Variants in TBK1 observed in about 807,000 individuals in gnomAD.
The protein encoded by TBK1 is serine/threonine-protein kinase TBK1.
TBK1 carries 37 observed loss-of-function variants against 99.9 expected under a neutral mutation model. The ratio of observed to expected loss-of-function variants is 0.37; its 90% confidence interval spans 0.28 to 0.49. The LOEUF (loss-of-function observed/expected upper bound fraction) is 0.49, where lower values mean the gene tolerates loss of function less well. TBK1 is among the 20% of genes least tolerant of loss of function. The probability of loss-of-function intolerance (pLI) is 0.98; values close to 1 mark genes in which losing one functional copy is unlikely to be tolerated. For synonymous variants in TBK1, 258 were observed against 279.8 expected (o/e 0.92, Z 0.78); for missense variants, 644 against 872.5 (o/e 0.74, Z 3.30).
intron 4 of TBK1, among the ~76,000 whole-genome samples, chr12:64,465,214 C>T (rs1403781280): frequency 8.0e-6 from 1 of 124,322 alleles, no homozygotes; most frequent in East Asian, 2.5e-4. Context: ...CACTGCACTT[C>T]AGCCTGGGCA....
chr12:64,466,139 A>C (rs2040601293), intron 4 of TBK1, among the ~76,000 whole-genome samples: 1 of 152,180 alleles, frequency 6.6e-6, no homozygotes, highest in Non-Finnish European at 1.5e-5. Context: ...TGTTTAATCA[A>C]ATAGAAATTA....
intron 6 of TBK1, among the ~76,000 whole-genome samples, chr12:64,475,186 C>T (rs577699056): frequency 6.6e-6 from 1 of 152,020 alleles, no homozygotes; most frequent in African/African-American, 2.4e-5. Flanking sequence ...CTTTTTTTTC[C>T]AGTGTTGCAG....
chr12:64,491,473 A>T (rs1277885363), intron 13 of TBK1, among the ~76,000 whole-genome samples: 1 of 152,000 alleles, frequency 6.6e-6, no homozygotes, highest in Non-Finnish European at 1.5e-5. Flanking sequence ...ATACAAAAAA[A>T]TTAGCCAGGC....
At chr12:64,478,158 G>A (rs2040734235) in intron 6 of TBK1, among the ~76,000 whole-genome samples, 1 of 151,950 alleles carries the variant, frequency 6.6e-6, no homozygotes, top group South Asian at 2.1e-4. Flanking sequence ...TGTTTTGTTT[G>A]TTTTGTTTTT....
chr12:64,469,622 G>A (rs2040641568), intron 5 of TBK1, among the ~76,000 whole-genome samples: 1 of 152,146 alleles, frequency 6.6e-6, no homozygotes, highest in Admixed American at 6.5e-5. Context: ...CATTCCCCTT[G>A]TCTTTTCTCT....
In TBK1 at chr12:64,488,510, A is replaced by G. The variant is rs754309189; in HGVS notation, c.1364A>G (p.Asn455Ser). The G allele has an allele frequency of 1.7e-5, 27 of 1,597,284 alleles. No individual in the cohort carries two copies. Among genetic ancestry groups the G allele is most frequent in the South Asian group, 2.3e-5 (2 of 86,240 alleles). ...WLIELIKDDY[N>S]ETVHKKTEVV... ...AGTGAATTAATTAAAGATGATTACA[A>G]TGAAACTGTTCACAAAAAGACAGAA... Residue 455 changes from asparagine (N) to serine (S), a missense_variant, in exon 12 of 21, where the codon AAT becomes AGT. Asn to Ser is a conservative substitution (Grantham distance 46). Transcript: ENST00000331710.
chr12:64,462,776 A>G (rs2040560275), intron 3 of TBK1, among the ~76,000 whole-genome samples: 1 of 152,206 alleles, frequency 6.6e-6, no homozygotes, highest in African/African-American at 2.4e-5. Flanking sequence ...TGAAATTGTC[A>G]TGCATCTTAT....
rs2040944256 is a variant in TBK1, at chr12:64,497,679, C to T, written c.1991C>T (p.Thr664Ile). 6.6e-6 allele frequency: 10 copies of T among 1,519,712 alleles called. No homozygotes were observed. The highest frequency in any genetic ancestry group is 2.9e-5 in the African/African-American group (2 of 69,436). 94.1% of individuals were successfully genotyped at this position (1,519,712 alleles called of 1,614,324 possible). A position where few individuals can be genotyped will look rare whatever the true frequency, so the allele number is the denominator to read the frequency against. ...LQETLPQKMF[T>I]ASSGIKHTMT... ...GAAACTCTGCCTCAGAAAATGTTTACAGCTTCCAGTGGAATCAAACATACC... is the reference window on the plus strand; with the variant it reads ...GAAACTCTGCCTCAGAAAATGTTTATAGCTTCCAGTGGAATCAAACATACC... Residue 664 changes from threonine to isoleucine, a missense_variant, in exon 19 of 21, where the codon ACA becomes ATA. By Grantham distance (89) the Thr-to-Ile change is moderately conservative. Coordinates refer to ENST00000331710, the MANE Select transcript of TBK1 (RefSeq NM_013254.4).
intron 9 of TBK1, 25 bp downstream of exon 9, chr12:64,484,524 T>C: frequency 1.3e-6 from 2 of 1,586,160 alleles, no homozygotes; most frequent in African/African-American, 1.4e-5. Context: ...TTCTTGTCGT[T>C]CTTACTAGCC....
chr12:64,481,673 A>T (rs958430376), intron 7 of TBK1, among the ~76,000 whole-genome samples, 169 bp from the exon 8 acceptor site: 1 of 152,216 alleles, frequency 6.6e-6, no homozygotes, highest in Non-Finnish European at 1.5e-5. Flanking sequence ...GTGGCATTAA[A>T]TGAAGGTTAC....
intron 5 of TBK1, among the ~76,000 whole-genome samples, chr12:64,467,771 C>G (rs1259006937): frequency 1.3e-5 from 2 of 152,154 alleles, no homozygotes; most frequent in Non-Finnish European, 2.9e-5. Flanking sequence ...TGAAAGATAT[C>G]TACCACACCC....
At chr12:64,468,934 C>T (rs1303045765) in intron 5 of TBK1, among the ~76,000 whole-genome samples, 1 of 151,970 alleles carries the variant, frequency 6.6e-6, no homozygotes, top group Non-Finnish European at 1.5e-5. Flanking sequence ...TCGGCAGTTC[C>T]CTCCATCTCT....
intron 6 of TBK1, among the ~76,000 whole-genome samples, chr12:64,478,092 C>T (rs2040733597): frequency 6.6e-6 from 1 of 152,170 alleles, no homozygotes; most frequent in African/African-American, 2.4e-5. Context: ...CCTGTCCAAC[C>T]ATTCTTTTAG....
At chr12:64,494,904 A>G (rs2040909933) in intron 13 of TBK1, among the ~76,000 whole-genome samples, 1 of 152,256 alleles carries the variant, frequency 6.6e-6, no homozygotes, top group African/African-American at 2.4e-5. Flanking sequence ...ATATATGGAC[A>G]TATTTATCCT....
At chr12:64,453,035 T>TAC (rs1565809310) in intron 1 of TBK1, 2 of 152,178 alleles carry the variant, frequency 1.3e-5, no homozygotes, top group African/African-American at 4.8e-5. Context: ...TTGGACGGTG[T>TAC]AAGGAAGTAG....
Position 64,460,857 on chromosome 12 carries a change from G to A in TBK1, c.228+528G>A, listed in dbSNP as rs2040542061. Among the ~76,000 whole-genome samples, 5 of 150,576 alleles carry A rather than the reference G, an allele frequency of 3.3e-5. No individual in the cohort carries two copies. In the South Asian group the frequency reaches 1.0e-3, roughly 32 times the overall value. ...CAAAAAAAAAAAAAAAAAAAGAAAG[G>A]ATCATTTGAGCTCAGGAATTCAAGA... On this transcript the variant is annotated intron_variant, in intron 3 of 20. Transcript: ENST00000331710.
At chr12:64,496,435 AT>A in intron 16 of TBK1, 29 bp downstream of exon 16, 5 of 1,157,194 alleles carry the variant, frequency 4.3e-6, no homozygotes, top group Non-Finnish European at 3.6e-6. Flanking sequence ...TTTAATAGTT[AT>A]TTTTGGTGCT....
rs778024591 is a variant in TBK1 at position 64,466,998 on chromosome 12, G to T, written c.456G>T (p.Val152=). 12 of 1,612,532 alleles carry T rather than the reference G, an allele frequency of 7.4e-6. No individual in the cohort carries two copies. The South Asian group carries it at 1.3e-4, about 18-fold the overall frequency. ...MRVIGEDGQS[V]YKLTDFGAAR... ...TTATAGGGGAAGATGGACAGTCTGTGTACAAACTCACAGATTTTGGTGCAG... is the reference window on the plus strand; with the variant it reads ...TTATAGGGGAAGATGGACAGTCTGTTTACAAACTCACAGATTTTGGTGCAG... The change falls in exon 5 of 21, where the codon GTG becomes GTT. Residue 152 remains valine (V), a synonymous_variant. Transcript: ENST00000331710.
chr12:64,490,072 GC>G lies in TBK1; in HGVS notation c.1475del (p.Ala492GlyfsTer4). ...YEKLMKINLE[A>X]AELGEISDIH... ...AAAGTTGATGAAGATCAACCTGGAA[GC>G]GGCAGAGTTAGGTGAAATTTCAGAC... On this transcript the variant is annotated frameshift_variant, in exon 13 of 21. Transcript: ENST00000331710. LOFTEE classifies it high-confidence loss of function. 6.2e-7 allele frequency: 1 copy of G among 1,610,910 alleles called. No homozygotes were observed. Among genetic ancestry groups the G allele is most frequent in the Non-Finnish European group, 8.5e-7 (1 of 1,178,526 alleles).
Sources: allele counts gnomAD v4.1 joint callset (sites outside exome capture counted in the v4.1 genomes callset), GRCh38; gene constraint gnomAD v4.1.1; transcripts MANE v1.5; gene names NCBI Gene and HGNC (gene_info 2026-07-23, HGNC 2026-07-21).